PTGFRN: variants seen among roughly 807,000 people sequenced by gnomAD.
PTGFRN encodes the protein prostaglandin F2 receptor negative regulator.
In PTGFRN, 35 loss-of-function variants were observed where a neutral mutation model predicts 83.2. That is an observed-to-expected ratio of 0.42 (90% CI 0.32 to 0.56). PTGFRN has a LOEUF of 0.56. Among genes scored for constraint, PTGFRN ranks in the 20% least tolerant of loss-of-function variants. The probability of loss-of-function intolerance (pLI) is 0.11; values close to 1 mark genes in which losing one functional copy is unlikely to be tolerated. For missense variants in PTGFRN, 1,051 were observed against 1,179.5 expected (o/e 0.89, Z 1.60); for synonymous variants, 519 against 498.6 (o/e 1.04, Z -0.55).
chr1:116,985,394 T>C (rs1651435572), intron 8 of PTGFRN, among the ~76,000 whole-genome samples: 1 of 151,926 alleles, frequency 6.6e-6, no homozygotes, highest in Non-Finnish European at 1.5e-5. Context: ...TACCACTGGT[T>C]TTGCTTCTTA....
chr1:116,968,388 TAGCC>T (rs1650898816), intron 6 of PTGFRN, among the ~76,000 whole-genome samples: 1 of 152,070 alleles, frequency 6.6e-6, no homozygotes, highest in African/African-American at 2.4e-5. Context: ...TCTATTATTA[TAGCC>T]TTTTATGGTA....
intron 6 of PTGFRN, among the ~76,000 whole-genome samples, chr1:116,970,330 G>A (rs954934471): frequency 6.6e-6 from 1 of 151,706 alleles, no homozygotes; most frequent in Non-Finnish European, 1.5e-5. Context: ...AGTTTGTTGA[G>A]TATTTTTGTC....
chr1:116,969,269 T>G (rs1420033917), intron 6 of PTGFRN, among the ~76,000 whole-genome samples: 1 of 152,140 alleles, frequency 6.6e-6, no homozygotes, highest in Admixed American at 6.5e-5. Flanking sequence ...TTCATGTTAA[T>G]TTTTGTATGT....
chr1:116,933,170 A>G (rs2998187), intron 1 of PTGFRN, among the ~76,000 whole-genome samples: 129,811 of 152,148 alleles, frequency 0.85, 56,598 homozygotes, highest in Non-Finnish European at 0.94. Context: ...ACTATGAGAA[A>G]TGCTTATATG....
Position 116,961,160 on chromosome 1 carries a change from A to G in PTGFRN, c.1214-83A>G. 1 of 1,335,006 alleles carries G rather than the reference A, an allele frequency of 7.5e-7. No homozygotes were observed. The highest frequency in any genetic ancestry group is 1.0e-6 in the Non-Finnish European group (1 of 998,024). The allele number at this position is 1,335,006 out of a possible 1,614,324, so 82.7% of individuals were successfully genotyped here. A position where few individuals can be genotyped will look rare whatever the true frequency, so the allele number is the denominator to read the frequency against. ...AGCATTTAATTGTTAAAACAAGAGC[A>G]GTCCTTGTCTCATTCCTTTTGTTAA... On this transcript the variant is annotated intron_variant, in intron 4 of 8. Coordinates refer to ENST00000393203, the MANE Select transcript of PTGFRN (RefSeq NM_020440.4). This position sits in a 1 kb window ranked among gnomAD's most constrained non-coding sequence, Gnocchi z 5.4.
chr1:116,974,400 C>G, intron 7 of PTGFRN, 77 bp downstream of exon 7: 2 of 1,138,484 alleles, frequency 1.8e-6, no homozygotes, highest in Non-Finnish European at 2.6e-6. Flanking sequence ...CTGTGTTACA[C>G]AGATGTGGGT....
At chr1:116,980,799 A>G (rs1350308673) in intron 7 of PTGFRN, among the ~76,000 whole-genome samples, 1 of 152,236 alleles carries the variant, frequency 6.6e-6, no homozygotes, top group Non-Finnish European at 1.5e-5. Flanking sequence ...GCACATGTAT[A>G]CATATGTAAC....
chr1:116,941,414 T>C lies in PTGFRN; in HGVS notation c.50-301T>C, dbSNP rs1286402991. ...CATCACATGGAGTGGTTAGGGTGTG[T>C]TAAATAGTAACTGGAGGGAAGAAGC... On this transcript the variant is annotated intron_variant, in intron 1 of 8. Transcript: ENST00000393203. This position sits in a 1 kb window ranked among gnomAD's most constrained non-coding sequence, Gnocchi z 5.0. Among the ~76,000 whole-genome samples, 3 of 152,102 alleles carry C rather than the reference T, an allele frequency of 2.0e-5. No homozygotes were observed. Among genetic ancestry groups the C allele is most frequent in the Non-Finnish European group, 4.4e-5 (3 of 68,016 alleles).
In PTGFRN at chr1:116,910,126, G is replaced by C. The variant is rs1649220457; in HGVS notation, c.-78G>C. 2.1e-6 allele frequency: 3 copies of C among 1,462,334 alleles called. No individual in the cohort carries two copies. The highest frequency in any genetic ancestry group is 2.8e-6 in the Non-Finnish European group (3 of 1,088,522). The allele number at this position is 1,462,334 out of a possible 1,614,324, so 90.6% of individuals were successfully genotyped here. A position where few individuals can be genotyped will look rare whatever the true frequency, so the allele number is the denominator to read the frequency against. ...GCGGAGGAGCGCCGACTCTGGAGCA[G>C]CCGGAGCTGGAAGAGGAGGAGGAGG... On this transcript the variant is annotated 5_prime_UTR_variant, in exon 1 of 9. Transcript: ENST00000393203.
chr1:116,933,144 A>G (rs1649839073), intron 1 of PTGFRN, among the ~76,000 whole-genome samples: 1 of 152,234 alleles, frequency 6.6e-6, no homozygotes, highest in Non-Finnish European at 1.5e-5. Flanking sequence ...CAAACTGAAT[A>G]CATCATGAAA....
Position 116,989,395 on chromosome 1 carries a change from G to A in PTGFRN, c.*2428G>A, listed in dbSNP as rs538769315. 1 of 152,460 alleles carries A rather than the reference G, an allele frequency of 6.6e-6. No homozygotes were observed. The highest frequency in any genetic ancestry group is 2.1e-4 in the South Asian group (1 of 4,818). The allele number at this position is 152,460 out of a possible 1,614,324, so 9.4% of individuals were successfully genotyped here. A position where few individuals can be genotyped will look rare whatever the true frequency, so the allele number is the denominator to read the frequency against. On this transcript the variant is annotated 3_prime_UTR_variant, in exon 9 of 9. Coordinates refer to ENST00000393203, the MANE Select transcript of PTGFRN (RefSeq NM_020440.4). ...TTCCTTCTAGGGATATAAATTTCCAGGAATGTGTATTTTTAATGTGGTGAG... is the reference window on the plus strand; with the variant it reads ...TTCCTTCTAGGGATATAAATTTCCAAGAATGTGTATTTTTAATGTGGTGAG...
intron 7 of PTGFRN, among the ~76,000 whole-genome samples, chr1:116,979,066 C>T (rs1331187213): frequency 2.0e-5 from 3 of 151,974 alleles, no homozygotes; most frequent in African/African-American, 4.8e-5. Context: ...AGCATTCTTA[C>T]ACACCAATAA....
chr1:116,956,924 G>A (rs773539359), intron 4 of PTGFRN, among the ~76,000 whole-genome samples: 16 of 152,150 alleles, frequency 1.1e-4, no homozygotes, highest in Non-Finnish European at 1.9e-4. Context: ...GAGACACTGA[G>A]GAGGTAGAAT....
intron 4 of PTGFRN, among the ~76,000 whole-genome samples, chr1:116,960,561 C>G (rs2101075699): frequency 6.6e-6 from 1 of 152,308 alleles, no homozygotes; most frequent in Non-Finnish European, 1.5e-5. Flanking sequence ...GGGCAAGATT[C>G]ACAGTGACAC....
intron 4 of PTGFRN, among the ~76,000 whole-genome samples, chr1:116,951,147 C>T (rs1335596173): frequency 2.0e-5 from 3 of 152,078 alleles, no homozygotes; most frequent in East Asian, 1.9e-4. Context: ...GCTGCTTGCA[C>T]TCCAATTTGA....
At chr1:116,910,510 T>C (rs1393287071) in intron 1 of PTGFRN, among the ~76,000 whole-genome samples, 1 of 151,614 alleles carries the variant, frequency 6.6e-6, no homozygotes, top group Admixed American at 6.6e-5. Context: ...GCCCCCAACA[T>C]GTGCCGGGGG....
intron 1 of PTGFRN, among the ~76,000 whole-genome samples, chr1:116,929,959 C>T (rs2101056545): frequency 6.6e-6 from 1 of 152,354 alleles, no homozygotes; most frequent in South Asian, 2.1e-4. Flanking sequence ...AATGCGCTTT[C>T]CTGGAGGTTG....
chr1:116,982,792 G>A (rs1651356525), intron 7 of PTGFRN, among the ~76,000 whole-genome samples: 1 of 152,200 alleles, frequency 6.6e-6, no homozygotes, highest in East Asian at 1.9e-4. Context: ...TTGTCCACAG[G>A]CTGAGTGGCA....
In PTGFRN at chr1:116,990,313, A is replaced by C. The variant is rs1651687668; in HGVS notation, c.*3346A>C. On this transcript the variant is annotated 3_prime_UTR_variant, in exon 9 of 9. Transcript: ENST00000393203. ...TGTGACCACAAATATTATGCAATGC[A>C]CCATTTGTTTTTTATTTCATTAAAG... The C allele has an allele frequency of 1.3e-5, 2 of 152,660 alleles. No individual in the cohort carries two copies. The highest frequency in any genetic ancestry group is 2.9e-5 in the Non-Finnish European group (2 of 68,046). The allele number at this position is 152,660 out of a possible 1,614,324, so 9.5% of individuals were successfully genotyped here. A position where few individuals can be genotyped will look rare whatever the true frequency, so the allele number is the denominator to read the frequency against.
Sources: allele counts gnomAD v4.1 joint callset (sites outside exome capture counted in the v4.1 genomes callset), GRCh38; gene constraint gnomAD v4.1.1; non-coding constraint Gnocchi (gnomAD v3.1); transcripts MANE v1.5; gene names NCBI Gene and HGNC (gene_info 2026-07-23, HGNC 2026-07-21).